Variants in OTOP1 observed in about 807,000 individuals in gnomAD.
The protein encoded by OTOP1 is proton channel OTOP1.
Under a neutral mutation model 52.9 loss-of-function variants are expected in OTOP1, and 59 were observed. The observed-to-expected ratio is 1.12, with a 90% CI of 0.91 to 1.39. The LOEUF is 1.39. OTOP1 is among the 40% of genes most tolerant of loss of function. OTOP1 has a pLI of 0.00. For missense variants in OTOP1, 761 were observed against 800.9 expected (o/e 0.95, Z 0.60); for synonymous variants, 317 against 337.7 (o/e 0.94, Z 0.67).
At chr4:4,204,506 A>G (rs1716854601) in intron 3 of OTOP1, among the ~76,000 whole-genome samples, 1 of 152,116 alleles carries the variant, frequency 6.6e-6, no homozygotes, top group Non-Finnish European at 1.5e-5. Context: ...GTTGCCACGC[A>G]TGACTCTAAA....
chr4:4,217,862 A>G (rs1428927652), intron 1 of OTOP1, among the ~76,000 whole-genome samples: 1 of 152,184 alleles, frequency 6.6e-6, no homozygotes. Context: ...GGGAAGATGA[A>G]AAGGAGAGCA....
intron 3 of OTOP1, among the ~76,000 whole-genome samples, chr4:4,203,855 G>A (rs1001461372): frequency 2.6e-5 from 4 of 152,220 alleles, no homozygotes; most frequent in Non-Finnish European, 5.9e-5. Flanking sequence ...GGCTTTGGGT[G>A]GGTCCCCTGC....
Position 4,219,953 on chromosome 4 carries a change from G to GTA in OTOP1, c.403+6507_403+6508dup, listed in dbSNP as rs1717249704. Among the ~76,000 whole-genome samples, 3 of 140,660 alleles carry GTA rather than the reference G, an allele frequency of 2.1e-5. No homozygotes were observed. The South Asian group carries it at 6.6e-4, about 31-fold the overall frequency. 92.3% of individuals were successfully genotyped at this position (140,660 alleles called of 152,430 possible). A position where few individuals can be genotyped will look rare whatever the true frequency, so the allele number is the denominator to read the frequency against. ...TGTATACATATATACACATATATAC[G>GTA]TATACATGTATACATATATACACAT... On this transcript the variant is annotated intron_variant, in intron 1 of 5. Transcript: ENST00000296358.
chr4:4,197,296 T>G lies in OTOP1; in HGVS notation c.1538A>C (p.Glu513Ala). ...CCAGCTGCTCTCCTCCTGCTTCTCCTCCTCCTTGTCATGGCTTTCTCTCAT... is the reference window on the plus strand; with the variant it reads ...CCAGCTGCTCTCCTCCTGCTTCTCCGCCTCCTTGTCATGGCTTTCTCTCAT... ...VCMRESHDKE[E>A]EKQEESSWGG... Residue 513 changes from glutamate (E) to alanine (A), a missense_variant, in exon 5 of 6, where the codon GAG (glutamate) becomes GCG (alanine). This residue lies in a region of OTOP1 where 632 missense variants were observed against 619.5 expected (regional missense o/e 1.02). Coordinates refer to ENST00000296358, the MANE Select transcript of OTOP1 (RefSeq NM_177998.3). The G allele has an allele frequency of 6.2e-7, 1 of 1,614,140 alleles. No individual in the cohort carries two copies. Among genetic ancestry groups the G allele is most frequent in the Non-Finnish European group, 8.5e-7 (1 of 1,180,036 alleles).
rs1384687585 is a variant in OTOP1, at chr4:4,219,517, C to T, written c.404-6513G>A. On this transcript the variant is annotated intron_variant, in intron 1 of 5. Coordinates refer to ENST00000296358, the MANE Select transcript of OTOP1 (RefSeq NM_177998.3). ...GAGATCGAGACCATCCTGGCCAACACGGTGAAACCCCGTCTCTACTAAAAA... is the reference window on the plus strand; with the variant it reads ...GAGATCGAGACCATCCTGGCCAACATGGTGAAACCCCGTCTCTACTAAAAA... Among the ~76,000 whole-genome samples, 70 of 151,838 alleles carry T rather than the reference C, an allele frequency of 4.6e-4. 1 individual carries two copies. Among genetic ancestry groups the T allele is most frequent in the South Asian group, 2.8e-3 (13 of 4,710 alleles).
At chr4:4,207,959 C>A (rs888151770) in intron 2 of OTOP1, among the ~76,000 whole-genome samples, 5 of 152,128 alleles carry the variant, frequency 3.3e-5, no homozygotes, top group Non-Finnish European at 7.4e-5. Flanking sequence ...TGGTTGCATT[C>A]TTTTGAGTCT....
In OTOP1 at chr4:4,226,916, C is replaced by A; in HGVS notation, c.-52G>T. 1 of 1,293,250 alleles carries A rather than the reference C, an allele frequency of 7.7e-7. No homozygotes were observed. The highest frequency in any genetic ancestry group is 9.8e-7 in the Non-Finnish European group (1 of 1,023,572). 80.1% of individuals were successfully genotyped at this position (1,293,250 alleles called of 1,614,324 possible). The stretch of plus-strand genomic sequence containing the variant: ...TCCCGGGGGTGGCTGCCGTCGGGCC[C>A]CGCCTGCGCTCCTGGCTCCTGTCCT... On this transcript the variant is annotated 5_prime_UTR_variant, in exon 1 of 6. Transcript: ENST00000296358.
At chr4:4,198,659 G>A (rs113883327) in intron 4 of OTOP1, among the ~76,000 whole-genome samples, 17,953 of 152,132 alleles carry the variant, frequency 0.12, 1,681 homozygotes, top group African/African-American at 0.24. Context: ...AGTGCAAGCA[G>A]GCATGCAGGA....
At chr4:4,191,125 C>G (rs956463121) in intron 5 of OTOP1, among the ~76,000 whole-genome samples, 1 of 152,138 alleles carries the variant, frequency 6.6e-6, no homozygotes, top group East Asian at 1.9e-4. Context: ...GGTGGTCCAT[C>G]GAGGCTCCAG....
Position 4,188,930 on chromosome 4 carries a change from T to C in OTOP1, c.1712A>G (p.Asn571Ser), listed in dbSNP as rs1716421635. 3.7e-6 allele frequency: 6 copies of C among 1,613,700 alleles called. No homozygotes were observed. Among genetic ancestry groups the C allele is most frequent in the South Asian group, 1.1e-5 (1 of 91,028 alleles). The change falls in exon 6 of 6, where the codon AAT becomes AGT. Residue 571 changes from asparagine to serine, a missense_variant. Physicochemically the swap from Asn to Ser is conservative, Grantham distance 46 (BLOSUM62 1). Around this residue, in one of 3 missense-constraint regions of OTOP1, gnomAD observed 632 missense variants for 619.5 expected, o/e 1.02. Transcript: ENST00000296358. ...GCCAAAGACAATCTCCTCCAATCCA[T>C]TGTCATACTCAGGTCGACAGCCAAA... ...PAFGCRPEYD[N>S]GLEEIVFGFE... is the part of the protein sequence containing the mutation.
At chr4:4,218,208 A>G (rs1399725241) in intron 1 of OTOP1, among the ~76,000 whole-genome samples, 1 of 152,100 alleles carries the variant, frequency 6.6e-6, no homozygotes, top group Admixed American at 6.5e-5. Context: ...CCTGGCCAAC[A>G]TGGTGAAACC....
chr4:4,199,233 T>TGTGA lies in OTOP1; in HGVS notation c.731-1131_731-1130insTCAC, dbSNP rs1212354837. On this transcript the variant is annotated intron_variant, in intron 4 of 5. Transcript: ENST00000296358. ...ACTCAGGTAAAATTGTGTGTGTGTG[T>TGTGA]GAGAGAGAGAGAGAGAGAGAGAGAG... Among the ~76,000 whole-genome samples the TGTGA allele has an allele frequency of 1.0e-3, 100 of 98,568 alleles. 4 individuals carry two copies. The highest frequency in any genetic ancestry group is 2.3e-3 in the African/African-American group (52 of 22,638). 64.7% of individuals were successfully genotyped at this position (98,568 alleles called of 152,430 possible).
Position 4,197,781 on chromosome 4 carries a change from G to GT in OTOP1, c.1052dup (p.Tyr351Ter), listed in dbSNP as rs768147730. Residue 351 changes from tyrosine (Y) to a stop codon, truncating the protein, a stop_gained and frameshift_variant, in exon 5 of 6, where the codon TAC becomes TAAC. Coordinates refer to ENST00000296358, the MANE Select transcript of OTOP1 (RefSeq NM_177998.3). LOFTEE classifies it high-confidence loss of function. ...GCATCAGCAGGGTGATGGCATACAGGTAGAACATGATGAGTGCCGACTCGC... is the reference window on the plus strand; with the variant it reads ...GCATCAGCAGGGTGATGGCATACAGGTTAGAACATGATGAGTGCCGACTCGC... ...TKSESALIMF[Y>*]LYAITLLMLM... 8.7e-6 allele frequency: 14 copies of GT among 1,613,902 alleles called. No individual in the cohort carries two copies. In the South Asian group the frequency reaches 9.9e-5, roughly 11 times the overall value.
intron 1 of OTOP1, among the ~76,000 whole-genome samples, chr4:4,218,131 C>T (rs549538478): frequency 6.6e-6 from 1 of 152,228 alleles, no homozygotes; most frequent in Admixed American, 6.5e-5. Flanking sequence ...GTGGCTCATA[C>T]CTGTAATCCC....
rs1716897387 is a variant in OTOP1 at position 4,205,971 on chromosome 4, TGGTCTGTTTTTATAACCAAA to T, written c.599+81_599+100del. 3.0e-6 allele frequency: 3 copies of T among 987,440 alleles called. No individual in the cohort carries two copies. The East Asian group carries it at 7.5e-5, about 25-fold the overall frequency. 61.2% of individuals were successfully genotyped at this position (987,440 alleles called of 1,614,324 possible). ...TAGCTTTCAGGACTGAGGGGAGAGT[TGGTCTGTTTTTATAACCAAA>T]GCAAGATGGCAGTGATGAGTTTTGA... On this transcript the variant is annotated intron_variant, in intron 3 of 5. Transcript: ENST00000296358.
At chr4:4,210,999 A>G (rs1717014454) in intron 2 of OTOP1, among the ~76,000 whole-genome samples, 1 of 152,162 alleles carries the variant, frequency 6.6e-6, no homozygotes, top group Non-Finnish European at 1.5e-5. Flanking sequence ...AACTCAGTCC[A>G]TAACAGCTTT....
Position 4,212,527 on chromosome 4 carries a change from T to C in OTOP1, c.540+341A>G, listed in dbSNP as rs563716921. ...TTGCACACGTTAAATGGGTGAATTA[T>C]ACGCCACGTGAATTCTCTCAATAAA... On this transcript the variant is annotated intron_variant, in intron 2 of 5. Coordinates refer to ENST00000296358, the MANE Select transcript of OTOP1 (RefSeq NM_177998.3). 7.9e-5 allele frequency among the ~76,000 whole-genome samples: 12 copies of C among 152,360 alleles called. No homozygotes were observed. In the South Asian group the frequency reaches 2.5e-3, roughly 32 times the overall value.
At position 4,226,731 on chromosome 4, in the gene OTOP1, CG is replaced by C; in HGVS notation, c.133del (p.Arg45GlyfsTer17). ...APRSPESPAP[R>X]RGGVRASVPQ... ...GACGCTGGCGCGCACACCGCCCCGC[CG>C]GGGGGCCGGGGATTCCGGGGACCTC... On this transcript the variant is annotated frameshift_variant, in exon 1 of 6. Coordinates refer to ENST00000296358, the MANE Select transcript of OTOP1 (RefSeq NM_177998.3). LOFTEE classifies it high-confidence loss of function. 9 of 1,393,204 alleles carry C rather than the reference CG, an allele frequency of 6.5e-6. No individual in the cohort carries two copies. The highest frequency in any genetic ancestry group is 3.4e-5 in the Admixed American group (1 of 29,770). The allele number at this position is 1,393,204 out of a possible 1,614,324, so 86.3% of individuals were successfully genotyped here.
chr4:4,216,073 A>G (rs1367350491), intron 1 of OTOP1, among the ~76,000 whole-genome samples: 4 of 152,142 alleles, frequency 2.6e-5, no homozygotes, highest in Non-Finnish European at 5.9e-5. Flanking sequence ...TGCTGGGATT[A>G]CAGGCATGAG....
Sources: gnomAD v4.1 joint callset for allele counts (sites outside exome capture counted in the v4.1 genomes callset) on GRCh38, gnomAD v4.1.1 for gene constraint, gnomAD v4.1.1 regional missense constraint, MANE v1.5 for transcripts, NCBI Gene and HGNC (gene_info 2026-07-23, HGNC 2026-07-21) for gene names.